P4HA1: variants seen among roughly 807,000 people sequenced by gnomAD.
P4HA1 encodes prolyl 4-hydroxylase subunit alpha-1.
In P4HA1, 24 loss-of-function variants were observed where a neutral mutation model predicts 72.8. The observed-to-expected ratio is 0.33, with a 90% CI of 0.24 to 0.46. P4HA1 has a LOEUF of 0.46. Ranked by LOEUF, P4HA1 falls within the 20% of genes least tolerant of loss-of-function variation. The pLI is 1.00. For missense variants in P4HA1, 446 were observed against 640.6 expected, an observed-to-expected ratio of 0.70 and a Z score of 3.28; for synonymous variants, 201 against 218.8, an observed-to-expected ratio of 0.92 and a Z score of 0.72.
At chr10:73,086,393 A>G (rs140377159) in intron 1 of P4HA1, among the ~76,000 whole-genome samples, 29 of 152,380 alleles carry the variant, frequency 1.9e-4, no homozygotes, top group African/African-American at 6.7e-4. Context: ...TGAACCTTGA[A>G]AACATTAAGT....
intron 1 of P4HA1, among the ~76,000 whole-genome samples, chr10:73,092,346 C>CTTT (rs1157972087): frequency 4.8e-4 from 54 of 112,348 alleles, no homozygotes; most frequent in African/African-American, 1.4e-3. Context: ...TTTTTCTTTT[C>CTTT]TTTTTTTTTT....
intron 1 of P4HA1, among the ~76,000 whole-genome samples, chr10:73,094,194 C>T (rs1171708173): frequency 6.6e-6 from 1 of 152,014 alleles, no homozygotes; most frequent in African/African-American, 2.4e-5. Context: ...ACAATTCTAA[C>T]AACCTATTAA....
chr10:73,059,550 T>C (rs1350741263), intron 5 of P4HA1, among the ~76,000 whole-genome samples: 1 of 142,132 alleles, frequency 7.0e-6, no homozygotes. Flanking sequence ...GAGACCAACC[T>C]GGCTAACATG....
At chr10:73,040,312 T>G (rs1840701592) in intron 9 of P4HA1, among the ~76,000 whole-genome samples, 1 of 152,064 alleles carries the variant, frequency 6.6e-6, no homozygotes, top group South Asian at 2.1e-4. Context: ...TTTAGCAATA[T>G]TTAGTTTTTT....
chr10:73,084,852 GCCAGGCTTGGTGGCT>G (rs1841893433), intron 1 of P4HA1, among the ~76,000 whole-genome samples: 1 of 152,146 alleles, frequency 6.6e-6, no homozygotes, highest in South Asian at 2.1e-4. Flanking sequence ...CAATAAACTG[GCCAGGCTTGGTGGCT>G]CATGCCACCA....
rs374815005 is a variant in P4HA1 at position 73,038,666 on chromosome 10, G to A, written c.1148+6315C>T. Reference sequence around the variant, plus strand: ...TTTTGAGACGGAGTCTCGCTCTGTCGCCCAGGCTGGAGTGCAGTGGCGGGA... The same window carrying A: ...TTTTGAGACGGAGTCTCGCTCTGTCACCCAGGCTGGAGTGCAGTGGCGGGA... On this transcript the variant is annotated intron_variant, in intron 9 of 14. Coordinates refer to ENST00000394890, the MANE Select transcript of P4HA1 (RefSeq NM_001017962.3). Among the ~76,000 whole-genome samples the A allele has an allele frequency of 6.7e-5, 6 of 89,538 alleles. No homozygotes were observed. The East Asian group carries it at 1.4e-3, about 21-fold the overall frequency. 58.7% of individuals were successfully genotyped at this position (89,538 alleles called of 152,430 possible).
At chr10:73,034,466 C>A (rs1343315693) in intron 9 of P4HA1, among the ~76,000 whole-genome samples, 2 of 152,238 alleles carry the variant, frequency 1.3e-5, no homozygotes, top group African/African-American at 2.4e-5. Context: ...CTCACAACCC[C>A]TGGTAATCCT....
chr10:73,024,393 C>T (rs1840214758), intron 10 of P4HA1, among the ~76,000 whole-genome samples: 1 of 152,218 alleles, frequency 6.6e-6, no homozygotes, highest in African/African-American at 2.4e-5. Context: ...TGAATGACTA[C>T]TGGGTAAATA....
intron 1 of P4HA1, among the ~76,000 whole-genome samples, chr10:73,095,390 T>C (rs1328083015): frequency 6.6e-6 from 1 of 151,988 alleles, no homozygotes; most frequent in Non-Finnish European, 1.5e-5. Context: ...CTTTAAAATG[T>C]TTTTTAAATT....
chr10:73,021,661 G>C (rs141920009), intron 10 of P4HA1, among the ~76,000 whole-genome samples: 1 of 152,330 alleles, frequency 6.6e-6, no homozygotes, highest in African/African-American at 2.4e-5. Flanking sequence ...GCAGACCATA[G>C]AGAATGAGCC....
At chr10:73,026,691 T>A (rs1840278060) in intron 10 of P4HA1, among the ~76,000 whole-genome samples, 1 of 152,070 alleles carries the variant, frequency 6.6e-6, no homozygotes, top group Non-Finnish European at 1.5e-5. Context: ...GGGAGAAAAT[T>A]TTTGCAATCT....
intron 1 of P4HA1, among the ~76,000 whole-genome samples, chr10:73,087,268 A>ATTTTTTTT (rs370759559): frequency 7.6e-6 from 1 of 130,750 alleles, no homozygotes; most frequent in Non-Finnish European, 1.7e-5. Context: ...TAATGCCTTT[A>ATTTTTTTT]TTTTTTTTTT....
Position 73,045,547 on chromosome 10 carries a change from A to G in P4HA1, c.1078-496T>C, listed in dbSNP as rs183497669. The stretch of plus-strand genomic sequence containing the variant: ...GGTCAATCTTTTGTCCCTTCAAGAT[A>G]GCCACTCTCATTAACATATACAGTG... On this transcript the variant is annotated intron_variant, in intron 8 of 14. Transcript: ENST00000394890. Among the ~76,000 whole-genome samples, 438 of 150,368 alleles carry G rather than the reference A, an allele frequency of 2.9e-3. 4 individuals carry two copies. Among genetic ancestry groups the G allele is most frequent in the African/African-American group, 0.011 (420 of 39,764 alleles).
intron 13 of P4HA1, 67 bp from the exon 14 acceptor site, chr10:73,009,970 A>AC: frequency 1.2e-6 from 1 of 807,564 alleles, no homozygotes; most frequent in Non-Finnish European, 2.0e-6. Flanking sequence ...GGTAGTTATT[A>AC]CTTTTTTTTT....
At chr10:73,068,148 G>A (rs764248302) in intron 5 of P4HA1, among the ~76,000 whole-genome samples, 2 of 151,986 alleles carry the variant, frequency 1.3e-5, no homozygotes, top group South Asian at 2.1e-4. Context: ...TTTTACCAAC[G>A]GATACCTTCA....
At chr10:73,069,797 T>C (rs755305514) in intron 4 of P4HA1, among the ~76,000 whole-genome samples, 2 of 151,412 alleles carry the variant, frequency 1.3e-5, no homozygotes, top group Non-Finnish European at 2.9e-5. Flanking sequence ...CATTAACTTA[T>C]AATCAACTGT....
At chr10:73,047,690 A>G (rs1225729962) in intron 7 of P4HA1, among the ~76,000 whole-genome samples, 3 of 152,152 alleles carry the variant, frequency 2.0e-5, no homozygotes, top group Non-Finnish European at 4.4e-5. Flanking sequence ...TCAACAAAAC[A>G]AATTCCCTTC....
At chr10:73,061,265 T>C (rs1292714748) in intron 5 of P4HA1, among the ~76,000 whole-genome samples, 2 of 152,136 alleles carry the variant, frequency 1.3e-5, no homozygotes, top group Non-Finnish European at 2.9e-5. Flanking sequence ...GAGTTAATTT[T>C]AAAATTTAAC....
chr10:73,080,607 G>GT (rs1725602873), intron 1 of P4HA1, among the ~76,000 whole-genome samples: 1 of 152,096 alleles, frequency 6.6e-6, no homozygotes, highest in Admixed American at 6.5e-5. Flanking sequence ...ATAGCCAAAC[G>GT]TATCAATCAC....
Sources: gnomAD v4.1 joint callset for allele counts (sites outside exome capture counted in the v4.1 genomes callset) on GRCh38, gnomAD v4.1.1 for gene constraint, MANE v1.5 for transcripts, NCBI Gene and HGNC (gene_info 2026-07-23, HGNC 2026-07-21) for gene names.